The following SORCS3 variants were observed in gnomAD, a reference collection of about 807,000 sequenced individuals.
The protein encoded by SORCS3 is VPS10 domain-containing receptor SorCS3.
A neutral mutation model predicts 146.3 loss-of-function variants in SORCS3; 57 were observed. The observed-to-expected ratio is 0.39, with a 90% CI of 0.31 to 0.49. The LOEUF (loss-of-function observed/expected upper bound fraction) is 0.49, where lower values mean the gene tolerates loss of function less well. Among genes scored for constraint, SORCS3 ranks in the 20% least tolerant of loss-of-function variants. The pLI is 0.92. For missense variants in SORCS3, 1,341 were observed against 1,575.5 expected, an observed-to-expected ratio of 0.85 and a Z score of 2.52; for synonymous variants, 653 against 618.5, an observed-to-expected ratio of 1.06 and a Z score of -0.83.
intron 1 of SORCS3, among the ~76,000 whole-genome samples, chr10:104,723,313 T>G (rs1200141370): frequency 3.9e-5 from 6 of 152,236 alleles, no homozygotes; most frequent in Admixed American, 3.9e-4. Context: ...TAATCCTGAG[T>G]TCCAGTTTGA....
intron 1 of SORCS3, among the ~76,000 whole-genome samples, chr10:104,813,354 ATATT>A (rs1429734393): frequency 1.3e-5 from 2 of 152,170 alleles, no homozygotes; most frequent in Non-Finnish European, 2.9e-5. Context: ...TAGAGATTAT[ATATT>A]TATTTTTTTG....
At chr10:104,844,602 G>A (rs1169829465) in intron 2 of SORCS3, among the ~76,000 whole-genome samples, 2 of 152,142 alleles carry the variant, frequency 1.3e-5, no homozygotes, top group South Asian at 4.2e-4. Context: ...TGCCAGGATT[G>A]AAGTCCCAGT....
At chr10:105,178,784 TACTGTCCCCC>T (rs2056424639) in intron 14 of SORCS3, among the ~76,000 whole-genome samples, 2 of 152,166 alleles carry the variant, frequency 1.3e-5, no homozygotes, top group African/African-American at 4.8e-5. Flanking sequence ...CACCAACCAA[TACTGTCCCCC>T]ACCTCCCCTA....
At chr10:104,792,371 C>T (rs1425002688) in intron 1 of SORCS3, among the ~76,000 whole-genome samples, 2 of 152,172 alleles carry the variant, frequency 1.3e-5, no homozygotes, top group Non-Finnish European at 2.9e-5. Flanking sequence ...TCCAGTGCAG[C>T]TTTGAGGCCA....
chr10:104,691,564 C>T (rs1009378372), intron 1 of SORCS3, among the ~76,000 whole-genome samples: 4 of 152,174 alleles, frequency 2.6e-5, no homozygotes, highest in African/African-American at 9.7e-5. Context: ...ACATTCACTT[C>T]CAGTTCTCCT....
intron 4 of SORCS3, among the ~76,000 whole-genome samples, chr10:105,011,750 G>A (rs1044144657): frequency 3.9e-5 from 6 of 152,028 alleles, no homozygotes; most frequent in Non-Finnish European, 8.8e-5. Context: ...GTCCTTTCAC[G>A]TTTCCATTCC....
chr10:104,827,524 G>A (rs1409335298), intron 1 of SORCS3, among the ~76,000 whole-genome samples: 1 of 152,102 alleles, frequency 6.6e-6, no homozygotes, highest in Admixed American at 6.6e-5. Flanking sequence ...AGTAAACTGT[G>A]CTGTAAAAAG....
chr10:104,855,530 A>G (rs767041320), intron 2 of SORCS3, among the ~76,000 whole-genome samples: 38 of 152,128 alleles, frequency 2.5e-4, no homozygotes, highest in Non-Finnish European at 4.9e-4. Context: ...ATCTGTGTGT[A>G]TTTTGTTAAG....
chr10:104,661,386 A>G (rs1353590363), intron 1 of SORCS3, among the ~76,000 whole-genome samples: 2 of 152,224 alleles, frequency 1.3e-5, no homozygotes, highest in African/African-American at 2.4e-5. Context: ...AGAGAAAGAT[A>G]TGTATCTTGC....
intron 7 of SORCS3, among the ~76,000 whole-genome samples, chr10:105,130,666 G>T (rs1257771374): frequency 1.3e-5 from 2 of 151,970 alleles, no homozygotes; most frequent in Non-Finnish European, 2.9e-5. Context: ...ACTATTTGGG[G>T]GCTATTATGT....
intron 1 of SORCS3, among the ~76,000 whole-genome samples, chr10:104,760,006 G>T (rs959036891): frequency 6.6e-6 from 1 of 152,198 alleles, no homozygotes; most frequent in Non-Finnish European, 1.5e-5. Context: ...CGGGGCCCAG[G>T]GGGGCAATAG....
intron 7 of SORCS3, among the ~76,000 whole-genome samples, chr10:105,127,522 T>G (rs2055984861): frequency 1.3e-5 from 2 of 152,080 alleles, no homozygotes; most frequent in African/African-American, 2.4e-5. Context: ...TAATTAGACC[T>G]CACCTGCAGG....
chr10:104,649,533 A>C (rs1370619360), intron 1 of SORCS3, among the ~76,000 whole-genome samples: 1 of 152,214 alleles, frequency 6.6e-6, no homozygotes, highest in Non-Finnish European at 1.5e-5. Flanking sequence ...GCACTTGCTC[A>C]AGGTTTCCCA....
rs1349345786 is a variant in SORCS3 at position 105,240,954 on chromosome 10, A to ATC, written c.2869-4587_2869-4586insCT. 4.5e-3 allele frequency among the ~76,000 whole-genome samples: 527 copies of ATC among 116,406 alleles called. 10 individuals are homozygous for ATC. In the South Asian group the frequency reaches 0.063, roughly 14 times the overall value. The allele number at this position is 116,406 out of a possible 152,430, so 76.4% of individuals were successfully genotyped here. On this transcript the variant is annotated intron_variant, in intron 20 of 26. Transcript: ENST00000369701. ...CACACAAACACTGAAAAAAATATAT[A>ATC]TATATATATCTATATCTATATCTAT...
At chr10:104,952,586 C>T (rs940702419) in intron 3 of SORCS3, among the ~76,000 whole-genome samples, 4 of 152,148 alleles carry the variant, frequency 2.6e-5, no homozygotes, top group African/African-American at 7.2e-5. Flanking sequence ...TTTGTTCACC[C>T]ATGTACAGGA....
intron 12 of SORCS3, among the ~76,000 whole-genome samples, chr10:105,165,658 A>G (rs1344042898): frequency 6.6e-6 from 1 of 152,182 alleles, no homozygotes; most frequent in Non-Finnish European, 1.5e-5. Context: ...TTCAAAATGT[A>G]AAATAACCTA....
chr10:104,791,436 G>A (rs1028507920), intron 1 of SORCS3, among the ~76,000 whole-genome samples: 5 of 152,238 alleles, frequency 3.3e-5, no homozygotes, highest in African/African-American at 1.2e-4. Flanking sequence ...CTTTATGCAA[G>A]TAAGATATTG....
intron 1 of SORCS3, among the ~76,000 whole-genome samples, chr10:104,811,970 G>A (rs187629718): frequency 7.9e-5 from 12 of 152,152 alleles, no homozygotes; most frequent in African/African-American, 2.2e-4. Context: ...GAAATTATAC[G>A]TGTGCCCCAT....
intron 3 of SORCS3, among the ~76,000 whole-genome samples, chr10:104,919,897 C>T (rs1204952421): frequency 1.3e-5 from 2 of 152,166 alleles, no homozygotes; most frequent in Non-Finnish European, 2.9e-5. Context: ...AGAAATCCCC[C>T]TTCTCCAGCC....
Sources: gnomAD v4.1 joint callset for allele counts (sites outside exome capture counted in the v4.1 genomes callset) on GRCh38, gnomAD v4.1.1 for gene constraint, MANE v1.5 for transcripts, NCBI Gene and HGNC (gene_info 2026-07-23, HGNC 2026-07-21) for gene names.